The following DUXA variants were observed in gnomAD, a reference collection of about 807,000 sequenced individuals.
DUXA encodes the protein double homeobox protein A.
In DUXA, 25 loss-of-function variants were observed where a neutral mutation model predicts 27.5. The observed-to-expected ratio is 0.91, with a 90% CI of 0.66 to 1.27. DUXA has a LOEUF of 1.27. Ranked by LOEUF, DUXA falls within the 50% of genes most tolerant of loss-of-function variation. DUXA has a pLI of 0.00. For missense variants in DUXA, 247 were observed against 242.9 expected, an observed-to-expected ratio of 1.02 and a Z score of -0.11; for synonymous variants, 90 against 80.5, an observed-to-expected ratio of 1.12 and a Z score of -0.63.
chr19:57,166,589 T>G (rs2087056291), intron 1 of DUXA, among the ~76,000 whole-genome samples: 1 of 152,180 alleles, frequency 6.6e-6, no homozygotes, highest in Admixed American at 6.5e-5. Context: ...ATTACAGGCG[T>G]GAGCCACGGC....
chr19:57,154,827 T>A (rs1159500530), intron 5 of DUXA, among the ~76,000 whole-genome samples: 1 of 152,200 alleles, frequency 6.6e-6, no homozygotes, highest in Non-Finnish European at 1.5e-5. Flanking sequence ...CCTCCCAAAG[T>A]GCTGGGATTA....
chr19:57,160,888 C>A, intron 1 of DUXA, 91 bp from the exon 2 acceptor site: 1 of 1,447,440 alleles, frequency 6.9e-7, no homozygotes, highest in Non-Finnish European at 9.4e-7. Context: ...TTCCTCTTCC[C>A]AAATCCACTG....
At chr19:57,163,861 C>T (rs1056888380) in intron 1 of DUXA, among the ~76,000 whole-genome samples, 1 of 152,136 alleles carries the variant, frequency 6.6e-6, no homozygotes, top group African/African-American at 2.4e-5. Flanking sequence ...CATTATCTTA[C>T]ATTTTGAATG....
At chr19:57,159,814 AT>A (rs2087011111) in intron 2 of DUXA, among the ~76,000 whole-genome samples, 1 of 151,602 alleles carries the variant, frequency 6.6e-6, no homozygotes, top group African/African-American at 2.4e-5. Context: ...AAAAAAAAAA[AT>A]TAGCCGGCCA....
At chr19:57,155,434 C>T (rs1216373929) in intron 4 of DUXA, 62 bp from the exon 5 acceptor site, 2 of 1,285,404 alleles carry the variant, frequency 1.6e-6, no homozygotes, top group African/African-American at 1.5e-5. Context: ...CTCATGATTG[C>T]TTTCTTCTCT....
At position 57,154,239 on chromosome 19, in the gene DUXA, T is replaced by G. The variant is rs900765710; in HGVS notation, c.*173A>C. 37 of 562,936 alleles carry G rather than the reference T, an allele frequency of 6.6e-5. No individual in the cohort carries two copies. The highest frequency in any genetic ancestry group is 1.0e-4 in the Non-Finnish European group (32 of 316,496). 34.9% of individuals were successfully genotyped at this position (562,936 alleles called of 1,614,324 possible). A position where few individuals can be genotyped will look rare whatever the true frequency, so the allele number is the denominator to read the frequency against. On this transcript the variant is annotated 3_prime_UTR_variant, in exon 6 of 6. Coordinates refer to ENST00000554048, the MANE Select transcript of DUXA (RefSeq NM_001012729.2). ...CTGAGCTCAAGCAATCTTCCTGCCT[T>G]GGCCTCCCAAAGTAGTGGGATTACA... is the stretch of plus-strand genomic sequence containing the variant.
chr19:57,155,124 G>A, intron 5 of DUXA, 143 bp downstream of exon 5: 1 of 694,094 alleles, frequency 1.4e-6, no homozygotes, highest in Non-Finnish European at 2.4e-6. Flanking sequence ...TTTGGGGACT[G>A]TGAGCAACCC....
intron 1 of DUXA, among the ~76,000 whole-genome samples, chr19:57,163,574 G>C (rs2087035657): frequency 6.6e-6 from 1 of 152,096 alleles, no homozygotes. Context: ...CTCCTGAGTA[G>C]CTGGGATTAC....
At chr19:57,157,487 G>A (rs572834927) in intron 4 of DUXA, among the ~76,000 whole-genome samples, 57 of 151,982 alleles carry the variant, frequency 3.8e-4, no homozygotes, top group African/African-American at 1.3e-3. Context: ...ATGAGCCACC[G>A]TGCCCGGTTA....
intron 1 of DUXA, among the ~76,000 whole-genome samples, chr19:57,162,585 G>GT (rs2087029916): frequency 6.6e-6 from 1 of 151,582 alleles, no homozygotes; most frequent in Non-Finnish European, 1.5e-5. Context: ...TTTGTTTTTT[G>GT]TTTTTTGAGA....
chr19:57,154,565 T>C lies in DUXA; in HGVS notation c.545-83A>G, dbSNP rs189251662. On this transcript the variant is annotated intron_variant, in intron 5 of 5. Coordinates refer to ENST00000554048, the MANE Select transcript of DUXA (RefSeq NM_001012729.2). The stretch of plus-strand genomic sequence containing the variant: ...ATGGACGTCAGCCTTTTCCCACCTT[T>C]TCTTTTTTTTTTTTTTTAGACGGAG... The C allele has an allele frequency of 6.1e-5, 72 of 1,175,242 alleles. No homozygotes were observed. The African/African-American group carries it at 9.8e-4, about 16-fold the overall frequency. The allele number at this position is 1,175,242 out of a possible 1,614,324, so 72.8% of individuals were successfully genotyped here.
intron 1 of DUXA, 124 bp from the exon 2 acceptor site, chr19:57,160,921 C>T (rs972886146): frequency 2.3e-5 from 25 of 1,098,574 alleles, no homozygotes; most frequent in Non-Finnish European, 3.2e-5. Flanking sequence ...GGAGAACTAC[C>T]CTCATACAAG....
At chr19:57,161,146 A>G (rs2087018965) in intron 1 of DUXA, among the ~76,000 whole-genome samples, 1 of 151,708 alleles carries the variant, frequency 6.6e-6, no homozygotes, top group African/African-American at 2.4e-5. Flanking sequence ...CAACATGATG[A>G]AACTCCATCT....
intron 5 of DUXA, among the ~76,000 whole-genome samples, 172 bp from the exon 6 acceptor site, chr19:57,154,654 C>T (rs548518051): frequency 3.9e-5 from 6 of 151,932 alleles, no homozygotes; most frequent in East Asian, 3.9e-4. Context: ...AGCTCCGCCT[C>T]CCGGGTTCAC....
intron 1 of DUXA, among the ~76,000 whole-genome samples, chr19:57,166,041 T>C (rs4801203): frequency 0.31 from 46,921 of 151,652 alleles, 8,057 homozygotes; most frequent in Middle Eastern, 0.39. Flanking sequence ...AAGTATAACA[T>C]GAACAAAGGC....
At chr19:57,163,666 T>A (rs921939131) in intron 1 of DUXA, among the ~76,000 whole-genome samples, 6 of 152,104 alleles carry the variant, frequency 3.9e-5, no homozygotes, top group Middle Eastern at 3.4e-3. Flanking sequence ...CTGGTCTGGA[T>A]GATCCACCCA....
chr19:57,161,119 T>A (rs1394173770), intron 1 of DUXA, among the ~76,000 whole-genome samples: 3 of 148,392 alleles, frequency 2.0e-5, no homozygotes, highest in East Asian at 4.0e-4. Context: ...AGGTCAGGAG[T>A]TCGAGACCAG....
chr19:57,158,906 C>T (rs1599930789), intron 3 of DUXA, among the ~76,000 whole-genome samples: 3 of 152,206 alleles, frequency 2.0e-5, no homozygotes, highest in Admixed American at 6.5e-5. Flanking sequence ...ATTGCTTGAA[C>T]CTGGGAGGCA....
chr19:57,161,273 C>T lies in DUXA; in HGVS notation c.26-476G>A, dbSNP rs113659071. On this transcript the variant is annotated intron_variant, in intron 1 of 5. Transcript: ENST00000554048. ...CTGGGAGGCGGAGGTTGCAGTGAGC[C>T]GAGATCGTGCCATTGCACTCCAGCC... Among the ~76,000 whole-genome samples the T allele has an allele frequency of 4.3e-5, 6 of 138,890 alleles. No homozygotes were observed. In the East Asian group the frequency reaches 6.2e-4, roughly 14 times the overall value. The allele number at this position is 138,890 out of a possible 152,430, so 91.1% of individuals were successfully genotyped here.
Sources: allele counts gnomAD v4.1 joint callset (sites outside exome capture counted in the v4.1 genomes callset), GRCh38; gene constraint gnomAD v4.1.1; transcripts MANE v1.5; gene names NCBI Gene and HGNC (gene_info 2026-07-23, HGNC 2026-07-21).